Variants in SV2C observed in about 807,000 individuals in gnomAD.
The protein encoded by SV2C is synaptic vesicle glycoprotein 2C, also known as solute carrier family 22 member B3.
A neutral mutation model predicts 79.7 loss-of-function variants in SV2C; 49 were observed. The ratio of observed to expected loss-of-function variants is 0.61; its 90% CI spans 0.49 to 0.78. SV2C has a LOEUF of 0.78. Among genes scored for constraint, SV2C ranks in the 30% least tolerant of loss-of-function variants. SV2C has a pLI of 0.00. For missense variants in SV2C, 833 were observed against 912.9 expected, an observed-to-expected ratio of 0.91 and a Z score of 1.13; for synonymous variants, 334 against 333.2, an observed-to-expected ratio of 1.00 and a Z score of -0.03.
At chr5:75,967,026 G>T in the SV2C span, among the ~76,000 whole-genome samples, 1 of 151,858 alleles carries the variant, frequency 6.6e-6, no homozygotes, top group Non-Finnish European at 1.5e-5. Context: ...TCATTACTTT[G>T]ATTTTTTAAA....
intron 4 of SV2C, 120 bp downstream of exon 4, chr5:76,210,007 C>G: frequency 8.1e-7 from 1 of 1,229,542 alleles, no homozygotes; most frequent in Non-Finnish European, 1.1e-6. Flanking sequence ...TCATGTTTCT[C>G]CCTTTCATAG....
chr5:75,910,626 G>T, the SV2C span: 1 of 838,112 alleles, frequency 1.2e-6, no homozygotes, highest in Non-Finnish European at 2.0e-6. Context: ...GATTATGATG[G>T]TGCCCAACAT....
At chr5:75,956,462 G>C in the SV2C span, among the ~76,000 whole-genome samples, 2 of 151,350 alleles carry the variant, frequency 1.3e-5, no homozygotes, top group Non-Finnish European at 2.9e-5. Context: ...CGAGTTAGTG[G>C]GTGCAGCACA....
At chr5:76,260,406 G>A (rs1250357675) in intron 4 of SV2C, among the ~76,000 whole-genome samples, 1 of 152,128 alleles carries the variant, frequency 6.6e-6, no homozygotes, top group African/African-American at 2.4e-5. Context: ...TGTTCACGCT[G>A]ATGATAGTTT....
chr5:75,875,074 A>C, the SV2C span, among the ~76,000 whole-genome samples: 1 of 152,142 alleles, frequency 6.6e-6, no homozygotes, highest in African/African-American at 2.4e-5. Context: ...AACAACAACA[A>C]CACTATTTTA....
At chr5:75,904,002 A>G in the SV2C span, among the ~76,000 whole-genome samples, 2 of 152,302 alleles carry the variant, frequency 1.3e-5, no homozygotes, top group Non-Finnish European at 2.9e-5. Context: ...TGAAAGGTGT[A>G]CTCATGGCAT....
chr5:76,142,903 C>CTTTTTTTTTTTTTTTTTTTTT lies in SV2C; in HGVS notation c.580+10582_580+10583insTTTTTTTTTTTTTTTTTTTTT, dbSNP rs372569739. Among the ~76,000 whole-genome samples, 36 of 134,650 alleles carry CTTTTTTTTTTTTTTTTTTTTT rather than the reference C, an allele frequency of 2.7e-4. 2 individuals carry two copies. The highest frequency in any genetic ancestry group is 4.5e-4 in the Admixed American group (6 of 13,342). The allele number at this position is 134,650 out of a possible 152,430, so 88.3% of individuals were successfully genotyped here. On this transcript the variant is annotated intron_variant, in intron 2 of 12. Coordinates refer to ENST00000502798, the MANE Select transcript of SV2C (RefSeq NM_014979.4). ...GGTATCTCTTCAACTTTTTCTTTTCCTTTTTTTTTGAGACGGAGTCTTGCT... is the reference window on the plus strand; with the variant it reads ...GGTATCTCTTCAACTTTTTCTTTTCCTTTTTTTTTTTTTTTTTTTTTTTTTTTTTTGAGACGGAGTCTTGCT...
At chr5:76,117,223 G>C (rs1011521043) in intron 1 of SV2C, among the ~76,000 whole-genome samples, 2 of 152,138 alleles carry the variant, frequency 1.3e-5, no homozygotes, top group Admixed American at 1.3e-4. Flanking sequence ...TCATGGTTTT[G>C]AGAAAACTAT....
the SV2C span, among the ~76,000 whole-genome samples, chr5:76,043,514 C>T: frequency 6.6e-6 from 1 of 152,180 alleles, no homozygotes; most frequent in African/African-American, 2.4e-5. Context: ...GCACTTTCTA[C>T]CTCTTTTGGT....
chr5:76,132,614 GT>G (rs1748939196), intron 2 of SV2C, among the ~76,000 whole-genome samples: 1 of 152,042 alleles, frequency 6.6e-6, no homozygotes, highest in Non-Finnish European at 1.5e-5. Flanking sequence ...GTTAGAGTAT[GT>G]TTTAACTTAT....
At chr5:76,198,285 A>G (rs541990454) in intron 3 of SV2C, among the ~76,000 whole-genome samples, 1 of 152,180 alleles carries the variant, frequency 6.6e-6, no homozygotes, top group East Asian at 1.9e-4. Context: ...TAGGTCTTGG[A>G]GGTGGATCTA....
At chr5:76,030,716 C>T in the SV2C span, among the ~76,000 whole-genome samples, 1 of 151,034 alleles carries the variant, frequency 6.6e-6, no homozygotes, top group South Asian at 2.1e-4. Context: ...GAGCTGAGAT[C>T]GTGCCACTGC....
At chr5:76,061,268 T>TAAAAAAAAAAAAAAAAAAAAAA in the SV2C span, among the ~76,000 whole-genome samples, 1 of 51,610 alleles carries the variant, frequency 1.9e-5, no homozygotes, top group African/African-American at 8.8e-5. Flanking sequence ...CTTCAATTTG[T>TAAAAAAAAAAAAAAAAAAAAAA]AAAAAAAAAA....
intron 3 of SV2C, among the ~76,000 whole-genome samples, chr5:76,205,783 T>C (rs1744590414): frequency 6.6e-6 from 1 of 152,184 alleles, no homozygotes; most frequent in Non-Finnish European, 1.5e-5. Context: ...TTCCCAACCC[T>C]AGCGCTATTA....
At chr5:76,165,952 A>T (rs10070475) in intron 2 of SV2C, among the ~76,000 whole-genome samples, 5 of 151,548 alleles carry the variant, frequency 3.3e-5, no homozygotes, top group South Asian at 2.1e-4. Context: ...ACTGCAGCAG[A>T]GGCATGCCCA....
chr5:76,325,479 A>T lies in SV2C; in HGVS notation c.2116A>T (p.Thr706Ser). The change falls in exon 13 of 13, where the codon ACT (threonine) becomes TCT (serine). Residue 706 changes from threonine to serine, a missense_variant. By Grantham distance (58) the Thr-to-Ser change is moderately conservative (BLOSUM62 1). Transcript: ENST00000502798. ...ATCAATCCCCATCCTGCTGGCTTCT[A>T]CTGTGCTCGTGTGTGGAGGACTCGT... ...TKSIPILLAS[T>S]VLVCGGLVGL... The T allele has an allele frequency of 6.2e-7, 1 of 1,614,158 alleles. No individual in the cohort carries two copies.
the SV2C span, among the ~76,000 whole-genome samples, chr5:75,994,826 C>T: frequency 4.6e-5 from 7 of 152,094 alleles, no homozygotes; most frequent in Non-Finnish European, 8.8e-5. Context: ...AGCTAGAGAA[C>T]GAGGACAGCT....
chr5:76,025,173 GTTTT>G, the SV2C span, among the ~76,000 whole-genome samples: 1,969 of 138,452 alleles, frequency 0.014, 47 homozygotes, highest in African/African-American at 0.049. Context: ...CCTTGAGCAC[GTTTT>G]TTTTTTTTTT....
chr5:76,200,651 GT>G (rs1744414411), intron 3 of SV2C, among the ~76,000 whole-genome samples: 1 of 151,906 alleles, frequency 6.6e-6, no homozygotes, highest in African/African-American at 2.4e-5. Flanking sequence ...GTTTTATTTT[GT>G]TTTTTGAGAT....
Sources: allele counts gnomAD v4.1 joint callset (sites outside exome capture counted in the v4.1 genomes callset), GRCh38; gene constraint gnomAD v4.1.1; transcripts MANE v1.5; gene names NCBI Gene and HGNC (gene_info 2026-07-23, HGNC 2026-07-21).